The following UST variants were observed in gnomAD, a reference collection of about 807,000 sequenced individuals.
UST encodes uronyl 2-sulfotransferase.
Under a neutral mutation model 45.6 loss-of-function variants are expected in UST, and 21 were observed. That is an observed-to-expected ratio of 0.46 (90% confidence interval 0.33 to 0.66). The LOEUF (loss-of-function observed/expected upper bound fraction) is 0.66, where lower values mean the gene tolerates loss of function less well. Ranked by LOEUF, UST falls within the 30% of genes least tolerant of loss-of-function variation. UST has a pLI of 0.02. For synonymous variants in UST, 215 were observed against 200.6 expected, an observed-to-expected ratio of 1.07 and a Z score of -0.61; for missense variants, 463 against 512.4, an observed-to-expected ratio of 0.90 and a Z score of 0.93.
chr6:148,780,086 T>C (rs1353265419), intron 1 of UST, among the ~76,000 whole-genome samples: 2 of 142,248 alleles, frequency 1.4e-5, no homozygotes, highest in Non-Finnish European at 3.1e-5. Flanking sequence ...TGTGTATATA[T>C]ATACACACAC....
At chr6:148,869,079 T>C (rs755666601) in intron 1 of UST, among the ~76,000 whole-genome samples, 7 of 152,240 alleles carry the variant, frequency 4.6e-5, no homozygotes, top group Admixed American at 1.3e-4. Flanking sequence ...AGTAGATCAC[T>C]ACCTTGGGCT....
chr6:148,921,760 G>A (rs1779711829), intron 2 of UST, among the ~76,000 whole-genome samples: 1 of 152,126 alleles, frequency 6.6e-6, no homozygotes, highest in Non-Finnish European at 1.5e-5. Context: ...AGGCCCTTCA[G>A]CATCCAGTCG....
chr6:148,911,955 G>T (rs1443229769), intron 2 of UST, among the ~76,000 whole-genome samples: 1 of 152,188 alleles, frequency 6.6e-6, no homozygotes, highest in Non-Finnish European at 1.5e-5. Flanking sequence ...CCAGCACTTT[G>T]TGAGACTAAG....
chr6:148,975,285 A>G (rs1473024545), intron 5 of UST, among the ~76,000 whole-genome samples: 1 of 152,208 alleles, frequency 6.6e-6, no homozygotes, highest in Non-Finnish European at 1.5e-5. Context: ...GTTTTGAACT[A>G]AAATGTAACT....
At chr6:148,920,857 C>T (rs1779690664) in intron 2 of UST, among the ~76,000 whole-genome samples, 1 of 152,176 alleles carries the variant, frequency 6.6e-6, no homozygotes, top group African/African-American at 2.4e-5. Context: ...GACTGGGACT[C>T]TTTAAGAGAT....
intron 2 of UST, among the ~76,000 whole-genome samples, chr6:148,922,129 G>A (rs1209895745): frequency 1.3e-5 from 2 of 152,160 alleles, no homozygotes; most frequent in Admixed American, 1.3e-4. Flanking sequence ...CCCTTTTAAA[G>A]TGTACAATTC....
chr6:149,015,904 T>A (rs1268060289), intron 5 of UST, among the ~76,000 whole-genome samples: 1 of 152,172 alleles, frequency 6.6e-6, no homozygotes, highest in Non-Finnish European at 1.5e-5. Context: ...TGTTGCTCAC[T>A]GAAGGTCTCG....
intron 3 of UST, among the ~76,000 whole-genome samples, chr6:148,942,031 G>C (rs1269119230): frequency 3.3e-5 from 5 of 152,078 alleles, no homozygotes; most frequent in Non-Finnish European, 5.9e-5. Flanking sequence ...CCTCTACCAA[G>C]AAGCTATGAA....
chr6:148,948,302 G>C (rs1029127238), intron 3 of UST, among the ~76,000 whole-genome samples: 2 of 152,190 alleles, frequency 1.3e-5, no homozygotes, highest in African/African-American at 4.8e-5. Flanking sequence ...TTGCAAAATT[G>C]TAAGACGTCT....
At chr6:148,958,159 G>A (rs1780562786) in intron 4 of UST, among the ~76,000 whole-genome samples, 1 of 152,114 alleles carries the variant, frequency 6.6e-6, no homozygotes, top group Middle Eastern at 3.2e-3. Flanking sequence ...TGAGCACTTG[G>A]TGTTTCTCTA....
At chr6:149,054,053 C>G (rs969867254) in intron 7 of UST, among the ~76,000 whole-genome samples, 3 of 152,194 alleles carry the variant, frequency 2.0e-5, no homozygotes, top group East Asian at 1.9e-4. Context: ...CTACCCTATT[C>G]TCACCCCATC....
At chr6:148,963,482 G>A (rs1780712698) in intron 4 of UST, among the ~76,000 whole-genome samples, 1 of 152,152 alleles carries the variant, frequency 6.6e-6, no homozygotes, top group Admixed American at 6.5e-5. Context: ...CTCTGCTTCG[G>A]GAAGACCTTG....
chr6:148,815,494 T>C (rs1777337487), intron 1 of UST, among the ~76,000 whole-genome samples: 1 of 152,190 alleles, frequency 6.6e-6, no homozygotes, highest in Admixed American at 6.5e-5. Context: ...CCCTGCTTTT[T>C]TTTAACCATA....
At chr6:148,799,966 T>C (rs1777027633) in intron 1 of UST, among the ~76,000 whole-genome samples, 1 of 152,256 alleles carries the variant, frequency 6.6e-6, no homozygotes, top group Admixed American at 6.5e-5. Flanking sequence ...ATATCAATGC[T>C]ATTAAATTTG....
intron 1 of UST, among the ~76,000 whole-genome samples, chr6:148,854,384 A>T (rs1007305725): frequency 6.6e-6 from 1 of 152,218 alleles, no homozygotes; most frequent in African/African-American, 2.4e-5. Context: ...CGGAAAGGCT[A>T]TTCTGTTTTC....
At chr6:148,948,150 C>G (rs1780287566) in intron 3 of UST, among the ~76,000 whole-genome samples, 1 of 152,094 alleles carries the variant, frequency 6.6e-6, no homozygotes, top group Non-Finnish European at 1.5e-5. Context: ...AAGGGCTACC[C>G]CATACTGTGG....
At chr6:149,041,099 C>G (rs145742636) in intron 7 of UST, among the ~76,000 whole-genome samples, 48 of 152,362 alleles carry the variant, frequency 3.2e-4, no homozygotes, top group Admixed American at 5.9e-4. Flanking sequence ...GAGGGAGAGG[C>G]AGCTGGGCCA....
chr6:148,983,412 A>G (rs1781176133), intron 5 of UST, among the ~76,000 whole-genome samples: 1 of 152,226 alleles, frequency 6.6e-6, no homozygotes, highest in South Asian at 2.1e-4. Flanking sequence ...AGGATTCGTC[A>G]TCAAGGTCTT....
chr6:148,928,666 C>T (rs981351528), intron 2 of UST, among the ~76,000 whole-genome samples: 1 of 152,276 alleles, frequency 6.6e-6, no homozygotes, highest in South Asian at 2.1e-4. Context: ...TGGTGGATTG[C>T]GTCTAGATTC....
Sources: gnomAD v4.1 joint callset for allele counts (sites outside exome capture counted in the v4.1 genomes callset) on GRCh38, gnomAD v4.1.1 for gene constraint, MANE v1.5 for transcripts, NCBI Gene and HGNC (gene_info 2026-07-23, HGNC 2026-07-21) for gene names.